EIF5B: variants seen among roughly 807,000 people sequenced by gnomAD.
The protein encoded by EIF5B is eIF-5B.
EIF5B carries 47 observed loss-of-function variants against 147.5 expected under a neutral mutation model. That is an observed-to-expected ratio of 0.32 (90% CI 0.25 to 0.41). EIF5B has a LOEUF of 0.41. EIF5B is among the 10% of genes least tolerant of loss of function. The pLI is 1.00. For synonymous variants in EIF5B, 455 were observed against 456.2 expected (o/e 1.00, Z 0.03); for missense variants, 1,064 against 1,413.2 (o/e 0.75, Z 3.96).
rs1160502856 is a variant in EIF5B at position 99,399,545 on chromosome 2, G to C, written c.*131G>C. On this transcript the variant is annotated 3_prime_UTR_variant, in exon 24 of 24. Coordinates refer to ENST00000289371, the MANE Select transcript of EIF5B (RefSeq NM_015904.4). ...TTAAGTATGGAAGGAAGAAAAATAGGTGTATAAAATGTTTTCCATGAGAAA... is the reference window on the plus strand; with the variant it reads ...TTAAGTATGGAAGGAAGAAAAATAGCTGTATAAAATGTTTTCCATGAGAAA... 1.3e-6 allele frequency: 1 copy of C among 782,518 alleles called. No homozygotes were observed. The highest frequency in any genetic ancestry group is 1.7e-5 in the African/African-American group (1 of 57,498). 48.5% of individuals were successfully genotyped at this position (782,518 alleles called of 1,614,324 possible).
intron 3 of EIF5B, among the ~76,000 whole-genome samples, chr2:99,360,811 T>A (rs899147751): frequency 6.6e-6 from 1 of 152,246 alleles, no homozygotes; most frequent in African/African-American, 2.4e-5. Flanking sequence ...TTCTTTTTCA[T>A]CCTTCGAATT....
In EIF5B at chr2:99,370,057, CAAAA is replaced by C. The variant is rs1228056157; in HGVS notation, c.1477+580_1477+583del. Among the ~76,000 whole-genome samples the C allele has an allele frequency of 2.6e-5, 4 of 151,888 alleles. No individual in the cohort carries two copies. In the South Asian group the frequency reaches 8.3e-4, roughly 31 times the overall value. On this transcript the variant is annotated intron_variant, in intron 8 of 23. Transcript: ENST00000289371. The stretch of plus-strand genomic sequence containing the variant: ...GCTTTTATTTATGAGTCAGAAATCT[CAAAA>C]AAAGATCTGAAGGTCTTCATTTAAT...
At chr2:99,384,196 C>CAAAAAAAAAAAA (rs770493783) in intron 14 of EIF5B, among the ~76,000 whole-genome samples, 14 of 117,416 alleles carry the variant, frequency 1.2e-4, no homozygotes, top group Admixed American at 4.4e-4. Flanking sequence ...GACTCCGTCT[C>CAAAAAAAAAAAA]AAAAAAAAAA....
chr2:99,371,795 A>G, intron 9 of EIF5B, 65 bp downstream of exon 9: 1 of 1,404,174 alleles, frequency 7.1e-7, no homozygotes. Flanking sequence ...ATATATATTT[A>G]AATGAATAGT....
At chr2:99,380,914 T>A (rs1371632556) in intron 12 of EIF5B, among the ~76,000 whole-genome samples, 1 of 152,236 alleles carries the variant, frequency 6.6e-6, no homozygotes, top group East Asian at 1.9e-4. Context: ...TGGCCACATA[T>A]AAAATCCTTG....
intron 1 of EIF5B, among the ~76,000 whole-genome samples, chr2:99,345,884 C>T (rs949397192): frequency 2.0e-5 from 3 of 148,320 alleles, no homozygotes; most frequent in African/African-American, 7.5e-5. Flanking sequence ...GTCAAGGCTG[C>T]AGTGAGCCAT....
At chr2:99,346,171 A>C (rs2094272992) in intron 1 of EIF5B, among the ~76,000 whole-genome samples, 1 of 152,146 alleles carries the variant, frequency 6.6e-6, no homozygotes, top group Non-Finnish European at 1.5e-5. Flanking sequence ...GTTTGCCATC[A>C]AGAGAGCGTG....
At chr2:99,375,163 T>A (rs781554722) in intron 9 of EIF5B, among the ~76,000 whole-genome samples, 5 of 152,240 alleles carry the variant, frequency 3.3e-5, no homozygotes, top group Non-Finnish European at 7.3e-5. Context: ...TTTTATGACT[T>A]TATTAAAGTC....
chr2:99,339,166 A>T (rs947521956), intron 1 of EIF5B, among the ~76,000 whole-genome samples: 1 of 151,576 alleles, frequency 6.6e-6, no homozygotes, highest in Non-Finnish European at 1.5e-5. Context: ...GGCATGCACC[A>T]CCACATCCGG....
chr2:99,359,438 AAGG>A (rs1188229575), intron 1 of EIF5B, among the ~76,000 whole-genome samples: 2 of 152,176 alleles, frequency 1.3e-5, no homozygotes, highest in African/African-American at 2.4e-5. Flanking sequence ...GTCCATTATA[AAGG>A]CCACATTACA....
chr2:99,386,797 G>A (rs1475954998), intron 14 of EIF5B, among the ~76,000 whole-genome samples: 1 of 152,054 alleles, frequency 6.6e-6, no homozygotes. Flanking sequence ...CCACCGCTTT[G>A]GCCACCCAAA....
At chr2:99,354,561 GTCTTAAC>G (rs1444950572) in intron 1 of EIF5B, among the ~76,000 whole-genome samples, 2 of 152,176 alleles carry the variant, frequency 1.3e-5, no homozygotes, top group Non-Finnish European at 2.9e-5. Flanking sequence ...TTAGTTTCAA[GTCTTAAC>G]TCTTAACTCT....
chr2:99,379,192 A>AG, intron 11 of EIF5B, 66 bp downstream of exon 11: 6 of 1,446,056 alleles, frequency 4.1e-6, no homozygotes. Flanking sequence ...ATAAAAAAAA[A>AG]CTTTAGAGAC....
At chr2:99,367,948 C>CA (rs1335806961) in intron 6 of EIF5B, among the ~76,000 whole-genome samples, 1 of 152,060 alleles carries the variant, frequency 6.6e-6, no homozygotes, top group Non-Finnish European at 1.5e-5. Context: ...TTCATAATTG[C>CA]AAAAAACCAG....
At chr2:99,367,587 C>T (rs796493893) in intron 6 of EIF5B, among the ~76,000 whole-genome samples, 4 of 152,014 alleles carry the variant, frequency 2.6e-5, no homozygotes, top group African/African-American at 7.2e-5. Context: ...TAGGCACCCA[C>T]CACCACAATA....
At chr2:99,357,182 T>C (rs1368462232) in intron 1 of EIF5B, among the ~76,000 whole-genome samples, 1 of 152,256 alleles carries the variant, frequency 6.6e-6, no homozygotes, top group East Asian at 1.9e-4. Flanking sequence ...GTAATGAGGC[T>C]TGCAGCTTTG....
chr2:99,393,223 C>A, intron 18 of EIF5B, 125 bp downstream of exon 18: 2 of 807,304 alleles, frequency 2.5e-6, no homozygotes, highest in Non-Finnish European at 1.7e-6. Context: ...ATTTCTTGGC[C>A]TCTTAGCAAA....
rs11272483 is a variant in EIF5B, at chr2:99,338,993, A to AAT, written c.35+1414_35+1415dup. Among the ~76,000 whole-genome samples the AAT allele has an allele frequency of 2.6e-3, 345 of 132,686 alleles. 7 individuals are homozygous for AAT. The highest frequency in any genetic ancestry group is 4.3e-3 in the Middle Eastern group (1 of 232). 87.0% of individuals were successfully genotyped at this position (132,686 alleles called of 152,430 possible). A position where few individuals can be genotyped will look rare whatever the true frequency, so the allele number is the denominator to read the frequency against. On this transcript the variant is annotated intron_variant, in intron 1 of 23. Transcript: ENST00000289371. Reference sequence around the variant, plus strand: ...ATATATATATACAAATATATACACAAATATATATATACATTTTTTTTTTTT... The same window carrying AAT: ...ATATATATATACAAATATATACACAAATATATATATATACATTTTTTTTTTTT...
intron 1 of EIF5B, among the ~76,000 whole-genome samples, chr2:99,349,531 A>G (rs773852630): frequency 2.0e-5 from 3 of 152,246 alleles, no homozygotes; most frequent in Non-Finnish European, 4.4e-5. Context: ...TGGTCTCAAG[A>G]TGAAGTATTT....
Sources: gnomAD v4.1 joint callset for allele counts (sites outside exome capture counted in the v4.1 genomes callset) on GRCh38, gnomAD v4.1.1 for gene constraint, MANE v1.5 for transcripts, NCBI Gene and HGNC (gene_info 2026-07-23, HGNC 2026-07-21) for gene names.